ADGRG4: variants seen among roughly 807,000 people sequenced by gnomAD.
ADGRG4 encodes the protein G protein-coupled receptor 112.
Under a neutral mutation model 126.2 loss-of-function variants are expected in ADGRG4, and 122 were observed. That is an observed-to-expected ratio of 0.97 (90% CI 0.83 to 1.12). The LOEUF is 1.12. Ranked by LOEUF, ADGRG4 falls within the 50% of genes most tolerant of loss-of-function variation. The probability of loss-of-function intolerance (pLI) is 0.00; values close to 1 mark genes in which losing one functional copy is unlikely to be tolerated. For synonymous variants in ADGRG4, 943 were observed against 838.7 expected (o/e 1.12, Z -2.15); for missense variants, 2,481 against 2,251.8 (o/e 1.10, Z -2.06).
intron 4 of ADGRG4, among the ~76,000 whole-genome samples, chrX:136,319,743 CT>C (rs1215847306): frequency 1.9e-5 from 2 of 107,785 alleles, no homozygotes; most frequent in East Asian, 2.9e-4. Context: ...ATCTATCTAT[CT>C]ATCTATCATC....
intron 13 of ADGRG4, among the ~76,000 whole-genome samples, chrX:136,370,545 A>G (rs1167118061): frequency 8.9e-6 from 1 of 112,242 alleles, no homozygotes; most frequent in Admixed American, 9.5e-5. Flanking sequence ...TTAATTTGTT[A>G]TTGTGGTCGT....
intron 5 of ADGRG4, among the ~76,000 whole-genome samples, chrX:136,330,175 A>G (rs1355315298): frequency 1.8e-5 from 2 of 111,196 alleles, no homozygotes; most frequent in Non-Finnish European, 3.8e-5. Flanking sequence ...TTGTGTATCT[A>G]CCAGCATACT....
In ADGRG4 at chrX:136,348,145, T is replaced by C. The variant is rs754658351; in HGVS notation, c.4439T>C (p.Val1480Ala). 1.4e-5 allele frequency: 17 copies of C among 1,208,443 alleles called. No homozygotes were observed. In the South Asian group the frequency reaches 3.0e-4, roughly 21 times the overall value. Residue 1480 changes from valine (V) to alanine (A), a missense_variant, in exon 6 of 26, where the codon GTT (valine) becomes GCT (alanine). Val to Ala is a moderately conservative substitution (Grantham distance 64). Transcript: ENST00000394143. Reference protein sequence around the residue: ...TAGLYNDGFTVLSDRITTAFS... With the variant: ...TAGLYNDGFTALSDRITTAFS... Reference sequence around the variant, plus strand: ...GGACTATATAATGACGGTTTTACAGTTCTCTCCGACAGGATCACTACAGCC... The same window carrying C: ...GGACTATATAATGACGGTTTTACAGCTCTCTCCGACAGGATCACTACAGCC...
chrX:136,394,514 A>C (rs759334387), intron 18 of ADGRG4, among the ~76,000 whole-genome samples: 7 of 111,624 alleles, frequency 6.3e-5, no homozygotes, highest in Non-Finnish European at 1.1e-4. Flanking sequence ...TCTTTCTGAC[A>C]AACAAAAATA....
At chrX:136,407,745 C>T (rs2075422895) in intron 23 of ADGRG4, among the ~76,000 whole-genome samples, 1 of 111,839 alleles carries the variant, frequency 8.9e-6, no homozygotes, top group East Asian at 2.8e-4. Context: ...TCAATACCAT[C>T]CTCGCTTGGT....
Position 136,353,368 on chromosome X carries a change from C to T in ADGRG4, c.6854C>T (p.Ser2285Phe). 1 of 1,195,008 alleles carries T rather than the reference C, an allele frequency of 8.4e-7. No individual in the cohort carries two copies. The highest frequency in any genetic ancestry group is 1.1e-6 in the Non-Finnish European group (1 of 881,268). Reference protein sequence around the residue: ...LNSIFQNSEFSLATLETQIKS... With the variant: ...LNSIFQNSEFFLATLETQIKS... The stretch of plus-strand genomic sequence containing the variant: ...TCTATATTTCAGAACAGTGAATTTT[C>T]TCTTGCTACTCTGGAAACCCAAATT... Residue 2285 changes from serine (S) to phenylalanine (F), a missense_variant, in exon 8 of 26, where the codon TCT becomes TTT. Physicochemically the swap from Ser to Phe is radical, Grantham distance 155. Transcript: ENST00000394143.
intron 4 of ADGRG4, among the ~76,000 whole-genome samples, chrX:136,319,127 G>A (rs780264991): frequency 1.8e-5 from 2 of 112,523 alleles, no homozygotes; most frequent in South Asian, 3.6e-4. Context: ...CTTGAGAGGC[G>A]CGGCAGAGAA....
Position 136,359,328 on chromosome X carries a change from C to T in ADGRG4, c.7017C>T (p.Ser2339=). The change falls in exon 11 of 26, where the codon TCC becomes TCT. Residue 2339 remains serine, a synonymous_variant. Coordinates refer to ENST00000394143, the MANE Select transcript of ADGRG4 (RefSeq NM_153834.4). ...VCQVIIKASS[S]LASSELMRKI... ...AGGTCATCATAAAAGCCAGCTCTTC[C>T]TTAGCATCCTCTGAATTGATGAGAA... is the stretch of plus-strand genomic sequence containing the variant. 3 of 1,205,871 alleles carry T rather than the reference C, an allele frequency of 2.5e-6. No homozygotes were observed. Among genetic ancestry groups the T allele is most frequent in the Non-Finnish European group, 3.4e-6 (3 of 891,667 alleles).
At chrX:136,316,448 C>T (rs959356903) in intron 4 of ADGRG4, among the ~76,000 whole-genome samples, 6 of 109,936 alleles carry the variant, frequency 5.5e-5, no homozygotes, top group African/African-American at 2.0e-4. Context: ...AAACCATTTA[C>T]TCTCTGACTT....
intron 22 of ADGRG4, among the ~76,000 whole-genome samples, chrX:136,404,909 C>G (rs2075396999): frequency 8.9e-6 from 1 of 112,100 alleles, no homozygotes; most frequent in Non-Finnish European, 1.9e-5. Flanking sequence ...AGAGATTTTC[C>G]TGGTTTTAGA....
In ADGRG4 at chrX:136,347,959, C is replaced by A. The variant is rs200964504; in HGVS notation, c.4253C>A (p.Thr1418Asn). ...GGCCAGGATACTTCATTTGTAGATA[C>A]CACAACTTCCAGCTCAACAAGGATA... Reference protein sequence around the residue: ...SYGQDTSFVDTTTSSSTRISN... With the variant: ...SYGQDTSFVDNTTSSSTRISN... The change falls in exon 6 of 26, where the codon ACC becomes AAC. Residue 1418 changes from threonine to asparagine, a missense_variant. Transcript: ENST00000394143. 82 of 1,207,298 alleles carry A rather than the reference C, an allele frequency of 6.8e-5. No homozygotes were observed. The highest frequency in any genetic ancestry group is 9.0e-5 in the Non-Finnish European group (80 of 892,720).
chrX:136,347,155 CT>C lies in ADGRG4; in HGVS notation c.3450del (p.Asp1151ThrfsTer11). On this transcript the variant is annotated frameshift_variant, in exon 6 of 26. Transcript: ENST00000394143. LOFTEE classifies it high-confidence loss of function. Reference sequence around the variant, plus strand: ...ACTCTTGTCTGCTCAAAACCTCCCCCTGACAACATTCCTCCTGCGTCCTCCA... The same window carrying C: ...ACTCTTGTCTGCTCAAAACCTCCCCCGACAACATTCCTCCTGCGTCCTCCA... ...THTLVCSKPPPDNIPPASSTH... is the reference protein window; with the variant it reads ...THTLVCSKPPXDNIPPASSTH... 8.3e-7 allele frequency: 1 copy of C among 1,211,447 alleles called. No homozygotes were observed. Among genetic ancestry groups the C allele is most frequent in the Non-Finnish European group, 1.1e-6 (1 of 895,249 alleles).
intron 3 of ADGRG4, among the ~76,000 whole-genome samples, chrX:136,307,620 T>C (rs991031507): frequency 2.7e-5 from 3 of 112,746 alleles, no homozygotes; most frequent in Admixed American, 9.4e-5. Context: ...TTGGCTTCTG[T>C]TACATTAAAT....
chrX:136,395,986 T>C lies in ADGRG4; in HGVS notation c.8184+493T>C, dbSNP rs189992133. Among the ~76,000 whole-genome samples the C allele has an allele frequency of 9.9e-4, 111 of 111,699 alleles. 2 individuals are homozygous for C. The highest frequency in any genetic ancestry group is 3.4e-3 in the African/African-American group (105 of 30,770). ...GGTTTAACACAATAAATTTAACTAA[T>C]CCCTGACTAGTGGACATTATAGCTG... On this transcript the variant is annotated intron_variant, in intron 19 of 25. Transcript: ENST00000394143.
intron 11 of ADGRG4, 38 bp downstream of exon 11, chrX:136,359,493 T>G: frequency 9.8e-7 from 1 of 1,022,851 alleles, no homozygotes; most frequent in Non-Finnish European, 1.3e-6. Context: ...AGTATGAACT[T>G]ACTTCCTTTA....
intron 15 of ADGRG4, among the ~76,000 whole-genome samples, chrX:136,386,705 T>G (rs2075293993): frequency 8.9e-6 from 1 of 111,982 alleles, no homozygotes; most frequent in Non-Finnish European, 1.9e-5. Flanking sequence ...AGAATGCAGG[T>G]AAGTGTGTCC....
chrX:136,377,363 T>C (rs2075234177), intron 15 of ADGRG4, among the ~76,000 whole-genome samples: 1 of 108,805 alleles, frequency 9.2e-6, no homozygotes, highest in Non-Finnish European at 1.9e-5. Context: ...TGACTGATTT[T>C]TTAATTTTTT....
chrX:136,413,642 T>C (rs1302556725), intron 24 of ADGRG4, among the ~76,000 whole-genome samples: 2 of 112,010 alleles, frequency 1.8e-5, no homozygotes, highest in African/African-American at 6.5e-5. Context: ...CACATTACAG[T>C]ACAAACCTAC....
chrX:136,333,890 T>A (rs759649535), intron 5 of ADGRG4, among the ~76,000 whole-genome samples: 3 of 112,050 alleles, frequency 2.7e-5, no homozygotes, highest in Non-Finnish European at 5.6e-5. Context: ...TATTATTTAA[T>A]TTTTTTAATG....
Sources: allele counts gnomAD v4.1 joint callset (sites outside exome capture counted in the v4.1 genomes callset), GRCh38; gene constraint gnomAD v4.1.1; transcripts MANE v1.5; gene names NCBI Gene and HGNC (gene_info 2026-07-23, HGNC 2026-07-21).